Variants in CCDC148 observed in about 807,000 individuals in gnomAD.
CCDC148 encodes coiled-coil domain-containing protein 148.
In CCDC148, 89 loss-of-function variants were observed where a neutral mutation model predicts 85.7. That is an observed-to-expected ratio of 1.04 (90% CI 0.87 to 1.24). CCDC148 has a LOEUF of 1.24. Ranked by LOEUF, CCDC148 falls within the 50% of genes most tolerant of loss-of-function variation. CCDC148 has a pLI of 0.00. For missense variants in CCDC148, 692 were observed against 671.7 expected (o/e 1.03, Z -0.33); for synonymous variants, 230 against 213.9 (o/e 1.08, Z -0.66).
intron 9 of CCDC148, among the ~76,000 whole-genome samples, chr2:158,259,145 A>G (rs1574495831): frequency 6.6e-6 from 1 of 151,666 alleles, no homozygotes; most frequent in African/African-American, 2.4e-5. Flanking sequence ...TTTCTAATCA[A>G]TATTTATTCA....
intron 1 of CCDC148, among the ~76,000 whole-genome samples, chr2:158,389,904 C>A (rs1685236175): frequency 6.6e-6 from 1 of 152,144 alleles, no homozygotes; most frequent in African/African-American, 2.4e-5. Context: ...GGAGTAGAAG[C>A]CTTAATTGCC....
intron 1 of CCDC148, among the ~76,000 whole-genome samples, chr2:158,371,383 A>C (rs1684434325): frequency 6.6e-6 from 1 of 152,050 alleles, no homozygotes; most frequent in African/African-American, 2.4e-5. Flanking sequence ...TTAGTTACAA[A>C]TGTACTGGTT....
Position 158,202,140 on chromosome 2 carries a change from A to G in CCDC148, c.1370+18455T>C, listed in dbSNP as rs1467939823. Among the ~76,000 whole-genome samples, 3 of 152,212 alleles carry G rather than the reference A, an allele frequency of 2.0e-5. No individual in the cohort carries two copies. In the East Asian group the frequency reaches 5.8e-4, roughly 29 times the overall value. ...TTTATGAATAATTAAAATTTAGAGAAAAAGGTGGGAGAGAAAGAAAAATAT... is the reference window on the plus strand; with the variant it reads ...TTTATGAATAATTAAAATTTAGAGAGAAAGGTGGGAGAGAAAGAAAAATAT... On this transcript the variant is annotated intron_variant, in intron 11 of 13. Coordinates refer to ENST00000283233, the MANE Select transcript of CCDC148 (RefSeq NM_138803.4).
At chr2:158,370,853 A>T (rs1034820517) in intron 1 of CCDC148, among the ~76,000 whole-genome samples, 12 of 151,564 alleles carry the variant, frequency 7.9e-5, no homozygotes, top group African/African-American at 2.9e-4. Context: ...TAGGACATAG[A>T]CTGTAAAAAA....
intron 11 of CCDC148, among the ~76,000 whole-genome samples, chr2:158,194,226 A>G (rs1359366082): frequency 6.6e-6 from 1 of 152,134 alleles, no homozygotes; most frequent in Non-Finnish European, 1.5e-5. Context: ...CAAGATTTGA[A>G]CTGATATTTA....
chr2:158,222,218 T>C (rs908832121), intron 10 of CCDC148, among the ~76,000 whole-genome samples: 1 of 152,200 alleles, frequency 6.6e-6, no homozygotes, highest in Non-Finnish European at 1.5e-5. Flanking sequence ...CTCCCAGCAC[T>C]GGCCTTGGAG....
intron 1 of CCDC148, among the ~76,000 whole-genome samples, chr2:158,451,798 A>G (rs1488426641): frequency 6.6e-6 from 1 of 152,222 alleles, no homozygotes; most frequent in East Asian, 1.9e-4. Flanking sequence ...CTTATTAAAA[A>G]AAACTTTAGG....
chr2:158,222,464 CTCTCTT>C (rs1687238299), intron 10 of CCDC148, among the ~76,000 whole-genome samples: 1 of 151,782 alleles, frequency 6.6e-6, no homozygotes, highest in South Asian at 2.1e-4. Context: ...CTCTCCCTCT[CTCTCTT>C]TCTCTCTCTC....
chr2:158,289,311 T>G (rs1325406983), intron 9 of CCDC148, among the ~76,000 whole-genome samples: 2 of 151,970 alleles, frequency 1.3e-5, no homozygotes, highest in African/African-American at 4.8e-5. Context: ...AAAACATACC[T>G]GAAAAACATA....
rs1380487824 is a variant in CCDC148, at chr2:158,354,079, T to C, written c.147+4370A>G. On this transcript the variant is annotated intron_variant, in intron 2 of 13. Coordinates refer to ENST00000283233, the MANE Select transcript of CCDC148 (RefSeq NM_138803.4). ...AATCTCTGGGACACATTCAAAGCAG[T>C]GTGTACAGGGAAATTTATAGCACTA... Among the ~76,000 whole-genome samples the C allele has an allele frequency of 2.0e-5, 3 of 151,826 alleles. No individual in the cohort carries two copies. The East Asian group carries it at 5.8e-4, about 29-fold the overall frequency.
chr2:158,446,760 C>T (rs1355592058), intron 1 of CCDC148, among the ~76,000 whole-genome samples: 2 of 152,120 alleles, frequency 1.3e-5, no homozygotes, highest in Admixed American at 6.5e-5. Flanking sequence ...CAGTCATAAC[C>T]ACTTGTATTA....
chr2:158,396,900 C>G (rs1402701922), intron 1 of CCDC148, among the ~76,000 whole-genome samples: 1 of 152,040 alleles, frequency 6.6e-6, no homozygotes, highest in Non-Finnish European at 1.5e-5. Flanking sequence ...GTTAAAAACA[C>G]TTATTGGCTT....
intron 9 of CCDC148, among the ~76,000 whole-genome samples, chr2:158,281,629 T>C (rs1690306421): frequency 6.6e-6 from 1 of 152,154 alleles, no homozygotes; most frequent in South Asian, 2.1e-4. Flanking sequence ...ATTGTGGCAA[T>C]AATCAACAGC....
intron 2 of CCDC148, among the ~76,000 whole-genome samples, chr2:158,354,598 C>T (rs1444577669): frequency 1.3e-5 from 2 of 152,094 alleles, no homozygotes; most frequent in African/African-American, 4.8e-5. Flanking sequence ...AGCTTACCAA[C>T]CAAAAAGAGT....
At position 158,269,397 on chromosome 2, in the gene CCDC148, C is replaced by T. The variant is rs371163396; in HGVS notation, c.1111-18485G>A. On this transcript the variant is annotated intron_variant, in intron 9 of 13. Transcript: ENST00000283233. ...GGCAACCAGCTGCTCATAGGTAGGA[C>T]CTGGCAGCAACTCAACCTTATCTCA... Among the ~76,000 whole-genome samples, 13 of 152,230 alleles carry T rather than the reference C, an allele frequency of 8.5e-5. 2 individuals are homozygous for T. The highest frequency in any genetic ancestry group is 6.6e-4 in the Admixed American group (10 of 15,260).
intron 4 of CCDC148, 66 bp from the exon 5 acceptor site, chr2:158,340,459 A>T: frequency 6.5e-7 from 1 of 1,540,724 alleles, no homozygotes; most frequent in Non-Finnish European, 8.8e-7. Context: ...AAAACAGATC[A>T]TTAGAGTACA....
chr2:158,341,309 ATTT>A lies in CCDC148; in HGVS notation c.252-632_252-630del, dbSNP rs10552652. Among the ~76,000 whole-genome samples, 415 of 138,768 alleles carry A rather than the reference ATTT, an allele frequency of 3.0e-3. 18 individuals are homozygous for A. Among genetic ancestry groups the A allele is most frequent in the African/African-American group, 9.9e-3 (376 of 38,154 alleles). The allele number at this position is 138,768 out of a possible 152,430, so 91.0% of individuals were successfully genotyped here. ...TATGTATACATATGTGTACATACATATTTTTTTTTTTTTTTTGGACTGAGTCTC... is the reference window on the plus strand; with the variant it reads ...TATGTATACATATGTGTACATACATATTTTTTTTTTTTTGGACTGAGTCTC... On this transcript the variant is annotated intron_variant, in intron 3 of 13. Transcript: ENST00000283233.
intron 1 of CCDC148, chr2:158,424,717 A>G (rs979318989): frequency 3.7e-5 from 3 of 81,218 alleles, no homozygotes; most frequent in African/African-American, 8.8e-5. Flanking sequence ...AAAGTATAAT[A>G]ATAAAAAAAA....
At chr2:158,456,340 A>C (rs1278464824) in intron 1 of CCDC148, 75 bp downstream of exon 1, 1 of 1,499,612 alleles carries the variant, frequency 6.7e-7, no homozygotes, top group East Asian at 2.3e-5. Flanking sequence ...TGCAGAGAAC[A>C]AACATAAGTA....
Sources: gnomAD v4.1 joint callset for allele counts (sites outside exome capture counted in the v4.1 genomes callset) on GRCh38, gnomAD v4.1.1 for gene constraint, MANE v1.5 for transcripts, NCBI Gene and HGNC (gene_info 2026-07-23, HGNC 2026-07-21) for gene names.